GRK4: variants seen among roughly 807,000 people sequenced by gnomAD.
GRK4 encodes G protein-coupled receptor kinase 2-like.
A neutral mutation model predicts 77.9 loss-of-function variants in GRK4; 73 were observed. That is an observed-to-expected ratio of 0.94 (90% confidence interval 0.78 to 1.14). The LOEUF (loss-of-function observed/expected upper bound fraction) is 1.14. GRK4 is among the 50% of genes most tolerant of loss of function. The pLI is 0.00. For missense variants in GRK4, 729 were observed against 700.2 expected (o/e 1.04, Z -0.46); for synonymous variants, 257 against 254.4 (o/e 1.01, Z -0.10).
chr4:3,002,704 A>G (rs1487516127), intron 4 of GRK4, among the ~76,000 whole-genome samples: 2 of 152,076 alleles, frequency 1.3e-5, no homozygotes, highest in Non-Finnish European at 2.9e-5. Flanking sequence ...CTCCATCTCA[A>G]AAAAACTAGC....
chr4:2,992,191 C>T (rs770643944), intron 3 of GRK4, 24 bp from the exon 4 acceptor site: 11 of 1,569,902 alleles, frequency 7.0e-6, no homozygotes, highest in Non-Finnish European at 9.6e-6. Flanking sequence ...ACTGTTCTTT[C>T]TTTTCTTCCA....
chr4:3,013,651 T>C (rs1273170884), intron 7 of GRK4, 37 bp from the exon 8 acceptor site: 6 of 1,580,120 alleles, frequency 3.8e-6, no homozygotes, highest in Middle Eastern at 1.7e-4. Flanking sequence ...AAATGCCAGG[T>C]GGACATAAAC....
At chr4:3,025,458 C>G (rs547755658) in intron 10 of GRK4, among the ~76,000 whole-genome samples, 56 of 138,338 alleles carry the variant, frequency 4.0e-4, no homozygotes, top group African/African-American at 1.2e-3. Context: ...GGCGTGATCT[C>G]GGCTCACTGT....
At chr4:3,018,703 C>T (rs762487424) in intron 8 of GRK4, among the ~76,000 whole-genome samples, 3 of 152,116 alleles carry the variant, frequency 2.0e-5, no homozygotes, top group Non-Finnish European at 2.9e-5. Context: ...CATGGTGAAA[C>T]CTCATCTCTA....
intron 8 of GRK4, among the ~76,000 whole-genome samples, chr4:3,018,198 A>G (rs1376702209): frequency 2.6e-5 from 4 of 151,894 alleles, no homozygotes; most frequent in Non-Finnish European, 5.9e-5. Flanking sequence ...GGTATGAACC[A>G]CTGTGCCCGG....
At chr4:3,016,726 A>T (rs1189475221) in intron 8 of GRK4, among the ~76,000 whole-genome samples, 1 of 151,674 alleles carries the variant, frequency 6.6e-6, no homozygotes, top group African/African-American at 2.4e-5. Flanking sequence ...AAAAAAAAAA[A>T]TACAAAAAAA....
At chr4:2,979,488 C>T (rs867754813) in intron 1 of GRK4, among the ~76,000 whole-genome samples, 91 of 150,394 alleles carry the variant, frequency 6.1e-4, no homozygotes, top group Non-Finnish European at 8.7e-4. Context: ...CCGAGGCGGG[C>T]GGATCACCTG....
intron 1 of GRK4, among the ~76,000 whole-genome samples, chr4:2,982,851 A>G (rs1024819278): frequency 1.3e-5 from 2 of 152,236 alleles, no homozygotes; most frequent in Non-Finnish European, 2.9e-5. Context: ...GACATAGGAC[A>G]TGGCTGTCAC....
chr4:3,031,916 A>C (rs732859), intron 12 of GRK4, among the ~76,000 whole-genome samples: 89,558 of 151,974 alleles, frequency 0.59, 26,499 homozygotes, highest in South Asian at 0.72. Flanking sequence ...ATGGGCTGGC[A>C]GTGGCTGGAG....
At chr4:3,028,591 C>G (rs1738271311) in intron 11 of GRK4, among the ~76,000 whole-genome samples, 1 of 152,238 alleles carries the variant, frequency 6.6e-6, no homozygotes, top group African/African-American at 2.4e-5. Flanking sequence ...CACCATTTCC[C>G]TTGTGAATGT....
At chr4:2,998,957 C>G (rs1217112391) in intron 4 of GRK4, among the ~76,000 whole-genome samples, 2 of 152,106 alleles carry the variant, frequency 1.3e-5, no homozygotes, top group Non-Finnish European at 1.5e-5. Context: ...TCCTCAATTT[C>G]AAAACTTAGT....
At chr4:2,978,381 C>A (rs957290337) in intron 1 of GRK4, among the ~76,000 whole-genome samples, 2 of 152,144 alleles carry the variant, frequency 1.3e-5, no homozygotes, top group African/African-American at 4.8e-5. Context: ...AGAAAAATAT[C>A]TCTGAATTTA....
chr4:3,018,429 G>T (rs1307423658), intron 8 of GRK4, among the ~76,000 whole-genome samples: 1 of 152,162 alleles, frequency 6.6e-6, no homozygotes, highest in Non-Finnish European at 1.5e-5. Context: ...AGCTTCTTGG[G>T]TGACTGAGAT....
At chr4:2,992,128 C>G in intron 3 of GRK4, 87 bp from the exon 4 acceptor site, 2 of 865,046 alleles carry the variant, frequency 2.3e-6, no homozygotes, top group Non-Finnish European at 3.8e-6. Flanking sequence ...TCCTCCCAAC[C>G]TCAGCGTCCC....
At position 3,029,231 on chromosome 4, in the gene GRK4, C is replaced by A. The variant is rs369779066; in HGVS notation, c.1091C>A (p.Thr364Lys). 4 of 1,613,522 alleles carry A rather than the reference C, an allele frequency of 2.5e-6. No individual in the cohort carries two copies. Among genetic ancestry groups the A allele is most frequent in the Admixed American group, 3.3e-5 (2 of 59,994 alleles). ...APEVVNNEKY[T>K]FSPDWWGLGC... ...GAAGTTGTCAATAATGAAAAGTATA[C>A]GTTTAGTCCCGATTGGTGGGGACTT... Residue 364 changes from threonine to lysine, a missense_variant, in exon 12 of 16, where the codon ACG (threonine) becomes AAG (lysine). Physicochemically the swap from Thr to Lys is moderately conservative, Grantham distance 78 (BLOSUM62 -1). Coordinates refer to ENST00000398052, the MANE Select transcript of GRK4 (RefSeq NM_182982.3).
Position 2,964,086 on chromosome 4 carries a change from A to C in GRK4, c.16A>C (p.Ile6Leu). The C allele has an allele frequency of 2.5e-6, 4 of 1,608,994 alleles. No homozygotes were observed. The highest frequency in any genetic ancestry group is 3.4e-6 in the Non-Finnish European group (4 of 1,179,038). MELEN[I>L]VANSLLLKAR... ...GCGCCAGGACATGGAGCTCGAGAAC[A>C]TCGTGGCCAACTCGCTGCTGCTGAA... is the stretch of plus-strand genomic sequence containing the variant. Residue 6 changes from isoleucine (I) to leucine (L), a missense_variant, in exon 1 of 16, where the codon ATC becomes CTC. Transcript: ENST00000398052.
At position 3,038,435 on chromosome 4, in the gene GRK4, A is replaced by G; in HGVS notation, c.1605A>G (p.Pro535=). The G allele has an allele frequency of 6.2e-7, 1 of 1,614,206 alleles. No homozygotes were observed. Among genetic ancestry groups the G allele is most frequent in the Non-Finnish European group, 8.5e-7 (1 of 1,180,010 alleles). ...INKSESEEAL[P]LDLDKNIHTP... Reference sequence around the variant, plus strand: ...AAAGTGAAAGTGAGGAAGCTTTGCCATTAGATCTAGACAAGAACATACATA... The same window carrying G: ...AAAGTGAAAGTGAGGAAGCTTTGCCGTTAGATCTAGACAAGAACATACATA... The change falls in exon 15 of 16, where the codon CCA becomes CCG. Residue 535 remains proline, a synonymous_variant. Coordinates refer to ENST00000398052, the MANE Select transcript of GRK4 (RefSeq NM_182982.3).
At chr4:3,025,210 G>T (rs576979864) in intron 10 of GRK4, among the ~76,000 whole-genome samples, 6 of 147,798 alleles carry the variant, frequency 4.1e-5, no homozygotes, top group Admixed American at 6.8e-5. Context: ...GGCGGAGGTT[G>T]CAGTGAGCTG....
At position 3,025,093 on chromosome 4, in the gene GRK4, A is replaced by C. The variant is rs544815949; in HGVS notation, c.970+2642A>C. 4.5e-4 allele frequency among the ~76,000 whole-genome samples: 68 copies of C among 152,078 alleles called. 1 individual carries two copies. The South Asian group carries it at 0.011, about 24-fold the overall frequency. On this transcript the variant is annotated intron_variant, in intron 10 of 15. Coordinates refer to ENST00000398052, the MANE Select transcript of GRK4 (RefSeq NM_182982.3). ...CAAGACCAGCCTGGCCAACATGGTG[A>C]AACCCTGTCTCTACTAAAAATACAA...
Sources: allele counts gnomAD v4.1 joint callset (sites outside exome capture counted in the v4.1 genomes callset), GRCh38; gene constraint gnomAD v4.1.1; transcripts MANE v1.5; gene names NCBI Gene and HGNC (gene_info 2026-07-23, HGNC 2026-07-21).